The following DGKH variants were observed in gnomAD, a reference collection of about 807,000 sequenced individuals.
DGKH encodes the protein DAG kinase eta.
In DGKH, 90 loss-of-function variants were observed where a neutral mutation model predicts 159.3. That is an observed-to-expected ratio of 0.57 (90% CI 0.48 to 0.67). The LOEUF (loss-of-function observed/expected upper bound fraction) is 0.67. Among genes scored for constraint, DGKH ranks in the 30% least tolerant of loss-of-function variants. The pLI is 0.00. For missense variants in DGKH, 1,181 were observed against 1,506.1 expected (o/e 0.78, Z 3.57); for synonymous variants, 536 against 553.8 (o/e 0.97, Z 0.45).
intron 1 of DGKH, among the ~76,000 whole-genome samples, chr13:42,071,808 G>T (rs1228358963): frequency 6.6e-6 from 1 of 152,162 alleles, no homozygotes; most frequent in Non-Finnish European, 1.5e-5. Context: ...CTGTGCTGGC[G>T]GCAGTGGTGT....
chr13:42,121,830 C>T lies in DGKH; in HGVS notation c.193-5633C>T, dbSNP rs9562378. On this transcript the variant is annotated intron_variant, in intron 1 of 29. Coordinates refer to ENST00000337343, the MANE Select transcript of DGKH (RefSeq NM_178009.5). The stretch of plus-strand genomic sequence containing the variant: ...ACTTGGAACCCAGGTTCCTGGGACA[C>T]AGAGAGTCCTTCACTTGGAGCCTCA... Among the ~76,000 whole-genome samples the T allele has an allele frequency of 1.7e-4, 26 of 152,298 alleles. No individual in the cohort carries two copies. In the East Asian group the frequency reaches 4.8e-3, roughly 28 times the overall value.
chr13:42,178,363 T>C (rs1369804864), intron 13 of DGKH, 143 bp downstream of exon 13: 2 of 586,234 alleles, frequency 3.4e-6, no homozygotes, highest in African/African-American at 1.8e-5. Flanking sequence ...TAAATTTGAA[T>C]TGATTTTTAA....
At position 42,221,385 on chromosome 13, in the gene DGKH, A is replaced by G; in HGVS notation, c.3564A>G (p.Arg1188=). ...RGAELLHLER[R]DLKDLGIPKV... is the part of the protein sequence containing the mutation. ...CTGAACTTTTGCATCTGGAAAGGCG[A>G]GATCTTAAGGTATTTCCTTTGTGCT... The change falls in exon 29 of 30, where the codon CGA becomes CGG. Residue 1188 remains arginine, a synonymous_variant. Transcript: ENST00000337343. The G allele has an allele frequency of 6.2e-7, 1 of 1,613,554 alleles. No homozygotes were observed. The highest frequency in any genetic ancestry group is 8.5e-7 in the Non-Finnish European group (1 of 1,179,562).
At chr13:42,182,775 T>C (rs535062252) in intron 13 of DGKH, among the ~76,000 whole-genome samples, 1 of 152,296 alleles carries the variant, frequency 6.6e-6, no homozygotes, top group South Asian at 2.1e-4. Flanking sequence ...TGTGCGCACA[T>C]ATAATCTTTT....
At chr13:42,221,088 G>A in intron 28 of DGKH, 176 bp from the exon 29 acceptor site, 1 of 731,278 alleles carries the variant, frequency 1.4e-6, no homozygotes, top group Non-Finnish European at 2.2e-6. Flanking sequence ...TGTGTTGATA[G>A]TGTGTAACTT....
intron 29 of DGKH, among the ~76,000 whole-genome samples, chr13:42,250,883 G>T (rs531405340): frequency 2.3e-3 from 348 of 152,060 alleles, no homozygotes; most frequent in African/African-American, 7.9e-3. Flanking sequence ...GCTTAATTAT[G>T]ATTTCATGAG....
At chr13:42,256,372 A>T in exon 31 of DGKH, 1 of 1,585,984 alleles carries the variant, frequency 6.3e-7, no homozygotes, top group Non-Finnish European at 8.7e-7. Flanking sequence ...TGTTGGTGAC[A>T]GCTCTCAATC....
chr13:42,131,994 T>G (rs1040368836), intron 3 of DGKH, among the ~76,000 whole-genome samples: 2 of 152,190 alleles, frequency 1.3e-5, no homozygotes, highest in Admixed American at 1.3e-4. Context: ...TAGGGTGAGA[T>G]AGAAAGAACT....
intron 1 of DGKH, among the ~76,000 whole-genome samples, chr13:42,068,165 G>T (rs1401485429): frequency 6.6e-6 from 1 of 152,032 alleles, no homozygotes; most frequent in Non-Finnish European, 1.5e-5. Flanking sequence ...CGGCTAGGTA[G>T]GCAACAAACC....
At chr13:42,162,309 G>A (rs922948631) in intron 7 of DGKH, among the ~76,000 whole-genome samples, 5 of 150,950 alleles carry the variant, frequency 3.3e-5, no homozygotes, top group East Asian at 2.1e-4. Context: ...TCAGGAGTTC[G>A]AGACCAGCTT....
At chr13:42,095,107 T>A (rs879930625) in intron 1 of DGKH, among the ~76,000 whole-genome samples, 1 of 150,968 alleles carries the variant, frequency 6.6e-6, no homozygotes, top group Non-Finnish European at 1.5e-5. Flanking sequence ...TGGGAGATAC[T>A]ACTGTAATAC....
intron 12 of DGKH, among the ~76,000 whole-genome samples, chr13:42,177,248 G>A (rs1223878766): frequency 2.9e-5 from 4 of 140,098 alleles, no homozygotes; most frequent in South Asian, 2.4e-4. Flanking sequence ...GCATAGATTG[G>A]TATCTGTTTT....
intron 18 of DGKH, 150 bp from the exon 19 acceptor site, chr13:42,199,416 G>C (rs1291656332): frequency 9.9e-6 from 5 of 505,174 alleles, no homozygotes; most frequent in Non-Finnish European, 1.8e-5. Context: ...TTGTACACAT[G>C]GCATAGGAAT....
chr13:42,127,588 T>G lies in DGKH; in HGVS notation c.303+15T>G. 1 of 1,609,372 alleles carries G rather than the reference T, an allele frequency of 6.2e-7. No homozygotes were observed. The highest frequency in any genetic ancestry group is 8.5e-7 in the Non-Finnish European group (1 of 1,176,834). On this transcript the variant is annotated intron_variant, in intron 2 of 29. Coordinates refer to ENST00000337343, the MANE Select transcript of DGKH (RefSeq NM_178009.5). ...AGGACTCAAAGGTAACTCACGAGAA[T>G]ACTAGTTTCAAGCAATTGAGGCTAT...
chr13:42,061,492 A>G (rs1882167027), intron 1 of DGKH, among the ~76,000 whole-genome samples: 1 of 152,154 alleles, frequency 6.6e-6, no homozygotes. Context: ...TAACTCCTAT[A>G]TCATTATGAT....
At chr13:42,224,917 T>C (rs371343298) in intron 29 of DGKH, among the ~76,000 whole-genome samples, 33 of 151,524 alleles carry the variant, frequency 2.2e-4, no homozygotes, top group Non-Finnish European at 3.5e-4. Context: ...TATATATATA[T>C]ACATATATTT....
chr13:42,118,756 G>T lies in DGKH; in HGVS notation c.193-8707G>T, dbSNP rs572410592. Reference sequence around the variant, plus strand: ...GTAGGCCACGCATTTGGAGGGCTGTGTAGGGGCCTTCTATGGTACATGTAG... The same window carrying T: ...GTAGGCCACGCATTTGGAGGGCTGTTTAGGGGCCTTCTATGGTACATGTAG... On this transcript the variant is annotated intron_variant, in intron 1 of 29. Transcript: ENST00000337343. Among the ~76,000 whole-genome samples, 3 of 152,336 alleles carry T rather than the reference G, an allele frequency of 2.0e-5. No individual in the cohort carries two copies. The East Asian group carries it at 5.8e-4, about 29-fold the overall frequency.
At chr13:42,076,362 AAGT>A (rs1292394530) in intron 1 of DGKH, among the ~76,000 whole-genome samples, 1 of 152,174 alleles carries the variant, frequency 6.6e-6, no homozygotes, top group East Asian at 1.9e-4. Context: ...AGCTGATCTA[AAGT>A]AGTGATTCAT....
intron 20 of DGKH, among the ~76,000 whole-genome samples, chr13:42,205,623 A>G (rs1464532062): frequency 6.6e-6 from 1 of 152,176 alleles, no homozygotes; most frequent in African/African-American, 2.4e-5. Context: ...AGCCCCAGCA[A>G]TGTACCAGGG....
Sources: gnomAD v4.1 joint callset for allele counts (sites outside exome capture counted in the v4.1 genomes callset) on GRCh38, gnomAD v4.1.1 for gene constraint, MANE v1.5 for transcripts, NCBI Gene and HGNC (gene_info 2026-07-23, HGNC 2026-07-21) for gene names.